Variants in GRAMD2B observed in about 807,000 individuals in gnomAD.
GRAMD2B encodes the protein GRAM domain containing 2B.
A neutral mutation model predicts 59.2 loss-of-function variants in GRAMD2B; 41 were observed. The observed-to-expected ratio is 0.69, with a 90% CI of 0.54 to 0.90. The LOEUF (loss-of-function observed/expected upper bound fraction) is 0.90. Among genes scored for constraint, GRAMD2B ranks in the 40% least tolerant of loss-of-function variants. The pLI is 0.00. For synonymous variants in GRAMD2B, 161 were observed against 182.7 expected (o/e 0.88, Z 0.96); for missense variants, 424 against 500.5 (o/e 0.85, Z 1.46).
chr5:126,397,759 T>C (rs1402148251), intron 1 of GRAMD2B, among the ~76,000 whole-genome samples: 1 of 152,200 alleles, frequency 6.6e-6, no homozygotes, highest in Admixed American at 6.5e-5. Flanking sequence ...TTTAATGTAC[T>C]ATAAAATTTA....
chr5:126,443,266 A>G (rs987415987), intron 1 of GRAMD2B, among the ~76,000 whole-genome samples: 6 of 152,256 alleles, frequency 3.9e-5, no homozygotes, highest in Non-Finnish European at 8.8e-5. Context: ...TCGTTCTGAC[A>G]TAGAAAGTTC....
chr5:126,490,911 G>A (rs1200846507), intron 13 of GRAMD2B, among the ~76,000 whole-genome samples: 1 of 152,152 alleles, frequency 6.6e-6, no homozygotes, highest in East Asian at 1.9e-4. Flanking sequence ...CTTTCCACCT[G>A]CCACTGGTTG....
chr5:126,489,044 T>C (rs1041524647), intron 13 of GRAMD2B, 152 bp downstream of exon 13: 77 of 513,516 alleles, frequency 1.5e-4, no homozygotes, highest in Middle Eastern at 1.0e-3. Context: ...ATAGTAAATG[T>C]GGAAGAATAT....
At chr5:126,392,831 T>G (rs942984559) in intron 1 of GRAMD2B, among the ~76,000 whole-genome samples, 1 of 152,166 alleles carries the variant, frequency 6.6e-6, no homozygotes, top group Non-Finnish European at 1.5e-5. Flanking sequence ...CTCTCGCATG[T>G]GCAGTTCGCA....
rs146877940 is a variant in GRAMD2B at position 126,485,849 on chromosome 5, A to G, written c.1058+76A>G. ...AAAGGAATAATCTCTTCACACTGCCAAGACCTACTGTAAATCTCAATTGTC... is the reference window on the plus strand; with the variant it reads ...AAAGGAATAATCTCTTCACACTGCCGAGACCTACTGTAAATCTCAATTGTC... On this transcript the variant is annotated intron_variant, in intron 11 of 13. Transcript: ENST00000285689. 3,140 of 834,116 alleles carry G rather than the reference A, an allele frequency of 3.8e-3. 60 individuals are homozygous for G. The African/African-American group carries it at 0.048, about 13-fold the overall frequency. The allele number at this position is 834,116 out of a possible 1,614,324, so 51.7% of individuals were successfully genotyped here.
At chr5:126,379,764 T>G (rs1240459534) in intron 1 of GRAMD2B, among the ~76,000 whole-genome samples, 1 of 152,234 alleles carries the variant, frequency 6.6e-6, no homozygotes, top group African/African-American at 2.4e-5. Context: ...GTTTGGTTTT[T>G]TCTTGCTTAT....
chr5:126,472,225 G>A lies in GRAMD2B; in HGVS notation c.316-13G>A. 6.2e-7 allele frequency: 1 copy of A among 1,603,028 alleles called. No homozygotes were observed. Among genetic ancestry groups the A allele is most frequent in the Non-Finnish European group, 8.5e-7 (1 of 1,171,342 alleles). ...GTGAGAATGGTGATGCTTGTATTTTGTTCTCATTGTAGTACAAGGCCAATA... is the reference window on the plus strand; with the variant it reads ...GTGAGAATGGTGATGCTTGTATTTTATTCTCATTGTAGTACAAGGCCAATA... On this transcript the variant is annotated splice_polypyrimidine_tract_variant and intron_variant, in intron 3 of 13. Coordinates refer to ENST00000285689, the MANE Select transcript of GRAMD2B (RefSeq NM_023927.4).
intron 1 of GRAMD2B, among the ~76,000 whole-genome samples, chr5:126,405,049 C>A (rs1758154915): frequency 6.6e-6 from 1 of 151,798 alleles, no homozygotes; most frequent in African/African-American, 2.4e-5. Flanking sequence ...TGGATTTAAA[C>A]CCAGGTTCCA....
chr5:126,403,098 T>C (rs1427904516), intron 1 of GRAMD2B, among the ~76,000 whole-genome samples: 1 of 151,998 alleles, frequency 6.6e-6, no homozygotes, highest in African/African-American at 2.4e-5. Flanking sequence ...ATTTCCTCCT[T>C]GGCAGCCAGT....
At chr5:126,371,570 G>T in intron 1 of GRAMD2B, 1 of 1,287,878 alleles carries the variant, frequency 7.8e-7, no homozygotes, top group Non-Finnish European at 1.0e-6. Context: ...TTCCTCAGGT[G>T]GGTACAGCCT....
chr5:126,454,412 A>G (rs1765906831), intron 1 of GRAMD2B, among the ~76,000 whole-genome samples: 1 of 152,140 alleles, frequency 6.6e-6, no homozygotes, highest in African/African-American at 2.4e-5. Context: ...TCCACTGTTG[A>G]CTTTGTCTTA....
intron 1 of GRAMD2B, among the ~76,000 whole-genome samples, chr5:126,430,146 C>G (rs1761334043): frequency 6.6e-6 from 1 of 152,194 alleles, no homozygotes. Flanking sequence ...TTAATGACTG[C>G]TTCTTTATCC....
intron 1 of GRAMD2B, 127 bp downstream of exon 1, chr5:126,423,816 G>A (rs533217833): frequency 1.2e-6 from 1 of 800,234 alleles, no homozygotes. Context: ...CTTGTGGCGC[G>A]CTCTCTCTGT....
intron 1 of GRAMD2B, among the ~76,000 whole-genome samples, chr5:126,430,184 T>G (rs1761339754): frequency 6.6e-6 from 1 of 152,228 alleles, no homozygotes; most frequent in Non-Finnish European, 1.5e-5. Context: ...ATCCGAAGTT[T>G]GATTCGTTAC....
intron 1 of GRAMD2B, among the ~76,000 whole-genome samples, chr5:126,462,884 T>C (rs930400156): frequency 6.6e-6 from 1 of 152,150 alleles, no homozygotes; most frequent in East Asian, 1.9e-4. Flanking sequence ...GTGGAGAGTA[T>C]GTAGAAAAAA....
At position 126,374,259 on chromosome 5, in the gene GRAMD2B, A is replaced by G. The variant is rs79885425; in HGVS notation, c.125+2692A>G. Reference sequence around the variant, plus strand: ...TTGTCTGATTTTTTTACCTTTTTCAATCTGCAAGGTGTGAAATGGTAACTC... The same window carrying G: ...TTGTCTGATTTTTTTACCTTTTTCAGTCTGCAAGGTGTGAAATGGTAACTC... On this transcript the variant is annotated intron_variant, in intron 1 of 8. Coordinates refer to the GRAMD2B transcript ENST00000506445. 1.7e-4 allele frequency among the ~76,000 whole-genome samples: 26 copies of G among 152,266 alleles called. No homozygotes were observed. In the East Asian group the frequency reaches 4.6e-3, roughly 27 times the overall value.
chr5:126,393,576 C>A (rs779674321), intron 1 of GRAMD2B, among the ~76,000 whole-genome samples: 4 of 152,182 alleles, frequency 2.6e-5, no homozygotes, highest in African/African-American at 7.2e-5. Flanking sequence ...GGAAACCCAA[C>A]TTCTCCAGAA....
chr5:126,440,122 A>G (rs1440422489), intron 1 of GRAMD2B, among the ~76,000 whole-genome samples: 3 of 152,246 alleles, frequency 2.0e-5, no homozygotes, highest in African/African-American at 7.2e-5. Flanking sequence ...TAAAAAGTTA[A>G]TAAAATAAAT....
At chr5:126,391,667 A>G (rs1288410126) in intron 1 of GRAMD2B, among the ~76,000 whole-genome samples, 1 of 152,254 alleles carries the variant, frequency 6.6e-6, no homozygotes, top group Non-Finnish European at 1.5e-5. Flanking sequence ...GCTAGTCATA[A>G]AAGGCCACAT....
Sources: allele counts gnomAD v4.1 joint callset (sites outside exome capture counted in the v4.1 genomes callset), GRCh38; gene constraint gnomAD v4.1.1; transcripts MANE v1.5; gene names NCBI Gene and HGNC (gene_info 2026-07-23, HGNC 2026-07-21).